LRRC4C: variants seen among roughly 807,000 people sequenced by gnomAD.
LRRC4C encodes the protein leucine rich repeat containing 4C.
LRRC4C carries 5 observed loss-of-function variants against 33.6 expected under a neutral mutation model. The ratio of observed to expected loss-of-function variants is 0.15; its 90% CI spans 0.08 to 0.31. The LOEUF is 0.31. Ranked by LOEUF, LRRC4C falls within the 10% of genes least tolerant of loss-of-function variation. LRRC4C has a pLI of 1.00. For missense variants in LRRC4C, 560 were observed against 796.7 expected (o/e 0.70, Z 3.58); for synonymous variants, 329 against 302.0 (o/e 1.09, Z -0.93).
intron 3 of LRRC4C, among the ~76,000 whole-genome samples, chr11:40,472,984 G>T (rs1953019043): frequency 1.3e-5 from 2 of 152,058 alleles, no homozygotes; most frequent in Non-Finnish European, 2.9e-5. Context: ...AACCAAAACA[G>T]CCTGGGACCA....
intron 4 of LRRC4C, among the ~76,000 whole-genome samples, chr11:40,310,413 T>A (rs964796051): frequency 6.6e-6 from 1 of 152,136 alleles, no homozygotes; most frequent in Non-Finnish European, 1.5e-5. Flanking sequence ...TAGCAGTCTA[T>A]CTTATTCATC....
chr11:40,603,097 A>G (rs953491), intron 3 of LRRC4C, among the ~76,000 whole-genome samples: 20,145 of 152,194 alleles, frequency 0.13, 1,526 homozygotes, highest in Non-Finnish European at 0.18. Flanking sequence ...CACAGGCACA[A>G]GGCGAGGAAA....
intron 4 of LRRC4C, among the ~76,000 whole-genome samples, chr11:40,288,095 C>G (rs545694979): frequency 1.3e-5 from 2 of 152,118 alleles, no homozygotes; most frequent in African/African-American, 4.8e-5. Context: ...GCAGACAGTT[C>G]CATGCAGTTG....
At chr11:41,290,466 A>G (rs949605316) in intron 1 of LRRC4C, among the ~76,000 whole-genome samples, 2 of 152,176 alleles carry the variant, frequency 1.3e-5, no homozygotes, top group Non-Finnish European at 2.9e-5. Context: ...CTAGAAATAT[A>G]CAAAATCCAT....
chr11:40,165,692 T>C (rs1414937183), intron 5 of LRRC4C, among the ~76,000 whole-genome samples: 1 of 152,206 alleles, frequency 6.6e-6, no homozygotes. Flanking sequence ...ACGCCTGTAA[T>C]CCCAGCTCTT....
chr11:40,323,408 G>A (rs1391830350), intron 3 of LRRC4C, among the ~76,000 whole-genome samples: 4 of 152,132 alleles, frequency 2.6e-5, no homozygotes, highest in Admixed American at 2.6e-4. Flanking sequence ...TGGATGTTTA[G>A]GACGATGTCT....
chr11:40,608,088 A>G (rs927631175), intron 3 of LRRC4C, among the ~76,000 whole-genome samples: 4 of 152,188 alleles, frequency 2.6e-5, no homozygotes, highest in African/African-American at 9.7e-5. Flanking sequence ...ATTTAAATAT[A>G]TAGAAGAATA....
intron 1 of LRRC4C, among the ~76,000 whole-genome samples, chr11:41,356,748 A>G (rs930503452): frequency 6.6e-6 from 1 of 152,162 alleles, no homozygotes; most frequent in Admixed American, 6.5e-5. Context: ...TGAATGTTGC[A>G]TATTATAATA....
At chr11:40,926,675 C>A (rs1161202418) in intron 2 of LRRC4C, among the ~76,000 whole-genome samples, 2 of 152,074 alleles carry the variant, frequency 1.3e-5, no homozygotes, top group East Asian at 1.9e-4. Context: ...TTATAGTATA[C>A]TTTTTTTAAA....
At position 40,659,002 on chromosome 11, in the gene LRRC4C, C is replaced by G. The variant is rs549374517; in HGVS notation, c.-406-10724G>C. On this transcript the variant is annotated intron_variant, in intron 2 of 6. Transcript: ENST00000528697. Reference sequence around the variant, plus strand: ...CCCTAATGAGTTGGCAGGTTGGGAGCCCCATGTTCCCTGGCACAGCTGCAG... The same window carrying G: ...CCCTAATGAGTTGGCAGGTTGGGAGGCCCATGTTCCCTGGCACAGCTGCAG... Among the ~76,000 whole-genome samples the G allele has an allele frequency of 2.0e-5, 3 of 152,148 alleles. No individual in the cohort carries two copies. The East Asian group carries it at 5.8e-4, about 29-fold the overall frequency.
chr11:40,453,647 C>T (rs1020917857), intron 3 of LRRC4C, among the ~76,000 whole-genome samples: 3 of 148,350 alleles, frequency 2.0e-5, no homozygotes, highest in Non-Finnish European at 4.5e-5. Flanking sequence ...ACCAATATCC[C>T]TTATCAGTAA....
intron 1 of LRRC4C, among the ~76,000 whole-genome samples, chr11:41,089,947 T>C (rs955893563): frequency 2.0e-5 from 3 of 151,980 alleles, no homozygotes; most frequent in African/African-American, 7.2e-5. Context: ...TATGCTAATA[T>C]ATACAGTTAT....
intron 4 of LRRC4C, among the ~76,000 whole-genome samples, chr11:40,275,476 GA>G (rs1943036635): frequency 6.6e-6 from 1 of 152,142 alleles, no homozygotes; most frequent in South Asian, 2.1e-4. Flanking sequence ...GCAGCCCTCT[GA>G]AGCACAACGG....
intron 3 of LRRC4C, among the ~76,000 whole-genome samples, chr11:40,349,608 T>C (rs1947295425): frequency 6.6e-6 from 1 of 152,112 alleles, no homozygotes; most frequent in African/African-American, 2.4e-5. Context: ...ACGGCTGGAT[T>C]ATACGATAGT....
chr11:41,180,799 C>G (rs1945412353), intron 1 of LRRC4C, among the ~76,000 whole-genome samples: 1 of 151,942 alleles, frequency 6.6e-6, no homozygotes, highest in Admixed American at 6.6e-5. Flanking sequence ...TAATTGGTAT[C>G]ATTATCCTAA....
chr11:41,020,359 G>C (rs1855874686), intron 1 of LRRC4C, among the ~76,000 whole-genome samples: 1 of 152,134 alleles, frequency 6.6e-6, no homozygotes, highest in South Asian at 2.1e-4. Flanking sequence ...TTGTGCATAT[G>C]ATCGTCTGTG....
chr11:40,990,289 T>C (rs1213474727), intron 1 of LRRC4C, among the ~76,000 whole-genome samples: 1 of 139,904 alleles, frequency 7.1e-6, no homozygotes, highest in Non-Finnish European at 1.5e-5. Flanking sequence ...ATATGAGTAT[T>C]CTTGACACAT....
chr11:41,057,071 C>T (rs7103962), intron 1 of LRRC4C, among the ~76,000 whole-genome samples: 50,268 of 152,116 alleles, frequency 0.33, 10,149 homozygotes, highest in South Asian at 0.45. Flanking sequence ...TGCAGCTGCT[C>T]GAATCATGGC....
At chr11:40,805,460 CT>C (rs985685318) in intron 2 of LRRC4C, among the ~76,000 whole-genome samples, 3 of 151,904 alleles carry the variant, frequency 2.0e-5, no homozygotes, top group Non-Finnish European at 4.4e-5. Flanking sequence ...AGTCACTTTT[CT>C]TTTTTTTGTA....
Sources: gnomAD v4.1 joint callset for allele counts (sites outside exome capture counted in the v4.1 genomes callset) on GRCh38, gnomAD v4.1.1 for gene constraint, MANE v1.5 for transcripts, NCBI Gene and HGNC (gene_info 2026-07-23, HGNC 2026-07-21) for gene names.